PUM2: variants seen among roughly 807,000 people sequenced by gnomAD.
PUM2 encodes the protein pumilio RNA binding family member 2, also known as pumilio homolog 2.
A neutral mutation model predicts 124.5 loss-of-function variants in PUM2; 57 were observed. The ratio of observed to expected loss-of-function variants is 0.46; its 90% CI spans 0.37 to 0.57. PUM2 has a LOEUF of 0.57. Ranked by LOEUF, PUM2 falls within the 20% of genes least tolerant of loss-of-function variation. The probability of loss-of-function intolerance (pLI) is 0.00; values close to 1 mark genes in which losing one functional copy is unlikely to be tolerated. For synonymous variants in PUM2, 460 were observed against 446.1 expected, an observed-to-expected ratio of 1.03 and a Z score of -0.39; for missense variants, 1,065 against 1,290.6, an observed-to-expected ratio of 0.83 and a Z score of 2.68.
chr2:20,282,434 G>T (rs1237953364), intron 12 of PUM2, among the ~76,000 whole-genome samples: 1 of 152,182 alleles, frequency 6.6e-6, no homozygotes, highest in Non-Finnish European at 1.5e-5. Flanking sequence ...AGGGGATTCT[G>T]TGTAGAACAT....
chr2:20,290,541 C>A (rs1673794137), intron 10 of PUM2, 111 bp downstream of exon 10: 2 of 1,150,012 alleles, frequency 1.7e-6, no homozygotes, highest in Non-Finnish European at 2.4e-6. Flanking sequence ...TATTTTGTTA[C>A]AAGGTAGGCA....
intron 1 of PUM2, among the ~76,000 whole-genome samples, chr2:20,341,733 C>G (rs1001737903): frequency 1.2e-4 from 18 of 152,216 alleles, no homozygotes; most frequent in African/African-American, 4.1e-4. Flanking sequence ...GGCTGAAAGT[C>G]CAACAAATGA....
upstream of PUM2, among the ~76,000 whole-genome samples, chr2:20,351,915 A>G (rs1254912639): frequency 6.6e-6 from 1 of 152,154 alleles, no homozygotes; most frequent in African/African-American, 2.4e-5. Flanking sequence ...ACTATTACTG[A>G]AAAATGTCTG....
chr2:20,326,117 A>C, intron 2 of PUM2: 1 of 614,018 alleles, frequency 1.6e-6, no homozygotes, highest in Non-Finnish European at 2.4e-6. Context: ...GCCTAACCAG[A>C]TATTGCACTG....
chr2:20,264,905 G>A (rs777921567), intron 13 of PUM2, among the ~76,000 whole-genome samples: 2 of 152,108 alleles, frequency 1.3e-5, no homozygotes, highest in Non-Finnish European at 2.9e-5. Flanking sequence ...TGTCCCTACT[G>A]TCCTAGCTTT....
chr2:20,255,232 G>A lies in PUM2; in HGVS notation c.2732C>T (p.Thr911Ile), dbSNP rs1287152996. ...AATTTATACCTGTACCAACTGCTCT[G>A]TATGTTGGTGGAGTTCTTCTAAGAT... is the stretch of plus-strand genomic sequence containing the variant. ...LPILEELHQH[T>I]EQLVQDQYGN... The change falls in exon 18 of 21, where the codon ACA becomes ATA. Residue 911 changes from threonine (T) to isoleucine (I), a missense_variant. By Grantham distance (89) the Thr-to-Ile change is moderately conservative. This residue lies in a region of PUM2 where 968 missense variants were observed against 1,159.8 expected (regional missense o/e 0.83). Transcript: ENST00000361078. 2 of 1,599,848 alleles carry A rather than the reference G, an allele frequency of 1.3e-6. No homozygotes were observed. Among genetic ancestry groups the A allele is most frequent in the African/African-American group, 1.3e-5 (1 of 74,518 alleles).
chr2:20,331,991 A>C (rs372524367), intron 1 of PUM2: 7 of 152,352 alleles, frequency 4.6e-5, no homozygotes, highest in African/African-American at 1.7e-4. Flanking sequence ...AAAACTTGAT[A>C]AACTGTAAAA....
intron 14 of PUM2, among the ~76,000 whole-genome samples, chr2:20,260,819 C>T (rs1666020620): frequency 6.6e-6 from 1 of 152,034 alleles, no homozygotes; most frequent in Admixed American, 6.5e-5. Flanking sequence ...ATAAAGGAAA[C>T]CCTTAGAAGT....
intron 1 of PUM2, among the ~76,000 whole-genome samples, chr2:20,330,967 TC>T (rs773115869): frequency 2.2e-4 from 33 of 152,258 alleles, no homozygotes; most frequent in Admixed American, 1.4e-3. Flanking sequence ...ATACAGCATA[TC>T]AAGCAATACA....
chr2:20,271,854 G>C (rs1451686011), intron 13 of PUM2, among the ~76,000 whole-genome samples: 7 of 152,172 alleles, frequency 4.6e-5, no homozygotes, highest in African/African-American at 1.7e-4. Flanking sequence ...TATTCGGATA[G>C]GTATTAGAAA....
chr2:20,278,502 T>G (rs1175933698), intron 13 of PUM2, 81 bp downstream of exon 13: 2 of 1,179,516 alleles, frequency 1.7e-6, no homozygotes, highest in Non-Finnish European at 2.4e-6. Context: ...ACATTAAATA[T>G]TTTACATATA....
chr2:20,317,648 T>C lies in PUM2; in HGVS notation c.160+889A>G, dbSNP rs1397252702. Among the ~76,000 whole-genome samples the C allele has an allele frequency of 3.9e-5, 6 of 152,282 alleles. No homozygotes were observed. In the East Asian group the frequency reaches 9.6e-4, roughly 24 times the overall value. ...GGGTTTGGTGTACAGATTATTTCAT[T>C]ACTCAGGTACTAAAAAAAGTACCTG... is the stretch of plus-strand genomic sequence containing the variant. On this transcript the variant is annotated intron_variant, in intron 3 of 20. Coordinates refer to ENST00000361078, the MANE Select transcript of PUM2 (RefSeq NM_015317.5).
At chr2:20,257,883 C>T (rs1423481903) in intron 16 of PUM2, among the ~76,000 whole-genome samples, 1 of 152,058 alleles carries the variant, frequency 6.6e-6, no homozygotes, top group South Asian at 2.1e-4. Flanking sequence ...TATAGTAATG[C>T]TATTGGTTCC....
chr2:20,287,971 A>C (rs961630819), intron 10 of PUM2, among the ~76,000 whole-genome samples: 1 of 152,234 alleles, frequency 6.6e-6, no homozygotes, highest in African/African-American at 2.4e-5. Flanking sequence ...AAGGACAGAC[A>C]TGTATTAGGT....
chr2:20,327,567 A>T (rs1683976595), intron 1 of PUM2, among the ~76,000 whole-genome samples, 189 bp from the exon 2 acceptor site: 1 of 152,206 alleles, frequency 6.6e-6, no homozygotes, highest in African/African-American at 2.4e-5. Flanking sequence ...GTAGAAAAAC[A>T]TTAGGTCAAG....
chr2:20,328,067 G>T (rs868446643), intron 1 of PUM2, among the ~76,000 whole-genome samples: 1 of 152,186 alleles, frequency 6.6e-6, no homozygotes, highest in Non-Finnish European at 1.5e-5. Flanking sequence ...AGGTGTGGTG[G>T]CTCACGACTA....
chr2:20,269,179 G>C (rs961204820), intron 13 of PUM2, among the ~76,000 whole-genome samples: 10 of 151,764 alleles, frequency 6.6e-5, no homozygotes, highest in African/African-American at 2.4e-4. Context: ...GGTATAAACT[G>C]AATAAAATTT....
intron 13 of PUM2, among the ~76,000 whole-genome samples, chr2:20,270,598 T>G (rs1668808498): frequency 6.6e-6 from 1 of 152,138 alleles, no homozygotes; most frequent in African/African-American, 2.4e-5. Context: ...CTGTCAAAAC[T>G]TCATTTTCAT....
At position 20,350,735 on chromosome 2, in the gene PUM2, C is replaced by G. The variant is rs1285103333; in HGVS notation, c.-157G>C. The stretch of plus-strand genomic sequence containing the variant: ...TTCTCCACCTACCACCCTCCCCCCC[C>G]ACCCCACCTCCTCCTTCTCCTCCCC... On this transcript the variant is annotated 5_prime_UTR_variant, in exon 1 of 21. Coordinates refer to ENST00000361078, the MANE Select transcript of PUM2 (RefSeq NM_015317.5). 3.4e-5 allele frequency: 33 copies of G among 972,030 alleles called. No individual in the cohort carries two copies. The highest frequency in any genetic ancestry group is 3.7e-5 in the Non-Finnish European group (30 of 820,978). 60.2% of individuals were successfully genotyped at this position (972,030 alleles called of 1,614,324 possible). A position where few individuals can be genotyped will look rare whatever the true frequency, so the allele number is the denominator to read the frequency against.
Sources: allele counts gnomAD v4.1 joint callset (sites outside exome capture counted in the v4.1 genomes callset), GRCh38; gene constraint gnomAD v4.1.1; regional missense constraint gnomAD v4.1.1; transcripts MANE v1.5; gene names NCBI Gene and HGNC (gene_info 2026-07-23, HGNC 2026-07-21).